The following IFFO1 variants were observed in gnomAD, a reference collection of about 807,000 sequenced individuals.
The protein encoded by IFFO1 is intermediate filament family orphan 1.
Under a neutral mutation model 59.6 loss-of-function variants are expected in IFFO1, and 42 were observed. The observed-to-expected ratio is 0.70, with a 90% CI of 0.55 to 0.91. The LOEUF (loss-of-function observed/expected upper bound fraction) is 0.91. Among genes scored for constraint, IFFO1 ranks in the 40% least tolerant of loss-of-function variants. The pLI, the probability that IFFO1 is intolerant of heterozygous loss-of-function variation, is 0.00. For missense variants in IFFO1, 711 were observed against 793.2 expected, an observed-to-expected ratio of 0.90 and a Z score of 1.24; for synonymous variants, 336 against 342.8, an observed-to-expected ratio of 0.98 and a Z score of 0.22.
In IFFO1 at chr12:6,548,658, G is replaced by A; in HGVS notation, c.1262+10C>T. The A allele has an allele frequency of 6.2e-7, 1 of 1,614,050 alleles. No homozygotes were observed. The highest frequency in any genetic ancestry group is 1.3e-5 in the African/African-American group (1 of 75,040). On this transcript the variant is annotated intron_variant, in intron 6 of 9. Coordinates refer to ENST00000619571, the MANE Select transcript of IFFO1 (RefSeq NM_001193457.2). The surrounding 1 kb of genome is among the most constrained non-coding windows in gnomAD (Gnocchi z 6.1). ...CGTCGGTGCTGCGGGAGCACGGCCT[G>A]CGGACTCACAGCTGGTTGAGCATGC...
intron 8 of IFFO1, among the ~76,000 whole-genome samples, chr12:6,542,383 G>A (rs1946758622): frequency 6.6e-6 from 1 of 152,166 alleles, no homozygotes; most frequent in East Asian, 1.9e-4. Flanking sequence ...AGGCGGAGAG[G>A]CAGGGCCCAG....
intron 8 of IFFO1, among the ~76,000 whole-genome samples, chr12:6,542,498 G>A (rs1388920931): frequency 5.9e-5 from 9 of 152,316 alleles, no homozygotes; most frequent in South Asian, 2.1e-4. Context: ...TGGAGATGAC[G>A]TTCGTGACTG....
At chr12:6,542,488 T>C (rs1946762960) in intron 8 of IFFO1, among the ~76,000 whole-genome samples, 1 of 152,152 alleles carries the variant, frequency 6.6e-6, no homozygotes, top group Admixed American at 6.5e-5. Flanking sequence ...TGAAACTTCC[T>C]GGAGATGACG....
intron 1 of IFFO1, among the ~76,000 whole-genome samples, chr12:6,553,181 G>A (rs538689866): frequency 1.3e-5 from 2 of 152,340 alleles, no homozygotes; most frequent in Admixed American, 6.5e-5. Flanking sequence ...TAGGGAGGAA[G>A]AAGAGTCACT....
In IFFO1 at chr12:6,555,229, A is replaced by G. The variant is rs747748605; in HGVS notation, c.773+28T>C. ...CCGTTGTGAGTGGTATGACACAGAG[A>G]GACCTGTCCCCCTTTCCCAATCCCT... On this transcript the variant is annotated intron_variant, in intron 1 of 9. Coordinates refer to ENST00000619571, the MANE Select transcript of IFFO1 (RefSeq NM_001193457.2). The surrounding 1 kb of genome is among the most constrained non-coding windows in gnomAD (Gnocchi z 8.6). 2 of 1,609,642 alleles carry G rather than the reference A, an allele frequency of 1.2e-6. No homozygotes were observed. The highest frequency in any genetic ancestry group is 1.7e-6 in the Non-Finnish European group (2 of 1,176,340).
chr12:6,547,034 C>G (rs980681582), intron 8 of IFFO1, among the ~76,000 whole-genome samples: 23 of 152,210 alleles, frequency 1.5e-4, no homozygotes, highest in Non-Finnish European at 3.1e-4. Context: ...GAGCCAGACA[C>G]TGCCCTAAGC....
chr12:6,550,686 T>A lies in IFFO1; in HGVS notation c.930+9A>T, dbSNP rs1287916279. 6.2e-7 allele frequency: 1 copy of A among 1,611,310 alleles called. No individual in the cohort carries two copies. The highest frequency in any genetic ancestry group is 8.5e-7 in the Non-Finnish European group (1 of 1,177,478). On this transcript the variant is annotated intron_variant, in intron 3 of 9. Transcript: ENST00000619571. ...CTTCGACCCTCGGGAAGCCTGGGGC[T>A]GCACTCACGTTACTCATGAGCCCCT...
Position 6,550,724 on chromosome 12 carries a change from G to T in IFFO1, c.901C>A (p.Leu301Met). The T allele has an allele frequency of 6.2e-7, 1 of 1,614,100 alleles. No homozygotes were observed. The highest frequency in any genetic ancestry group is 8.5e-7 in the Non-Finnish European group (1 of 1,179,934). Residue 301 changes from leucine to methionine, a missense_variant, in exon 3 of 10, where the codon CTG becomes ATG. Physicochemically the swap from Leu to Met is conservative, Grantham distance 15. Coordinates refer to ENST00000619571, the MANE Select transcript of IFFO1 (RefSeq NM_001193457.2). ...ALKVEQLKAE[L>M]VVFKGLMSNN... is the part of the protein sequence containing the mutation. The stretch of plus-strand genomic sequence containing the variant: ...CTCATGAGCCCCTTGAAGACCACCA[G>T]CTCAGCCTTCAACTGTTCCACCTTC...
intron 1 of IFFO1, among the ~76,000 whole-genome samples, chr12:6,554,477 C>G (rs1169089979): frequency 6.6e-6 from 1 of 152,232 alleles, no homozygotes; most frequent in African/African-American, 2.4e-5. Context: ...TGGGGCCGGG[C>G]TCCTCTCAGA....
At position 6,551,461 on chromosome 12, in the gene IFFO1, G is replaced by A. The variant is rs538113136; in HGVS notation, c.774-460C>T. The A allele has an allele frequency of 2.9e-5, 38 of 1,293,872 alleles. No homozygotes were observed. The African/African-American group carries it at 4.7e-4, about 16-fold the overall frequency. 80.1% of individuals were successfully genotyped at this position (1,293,872 alleles called of 1,614,324 possible). The stretch of plus-strand genomic sequence containing the variant: ...CACCAGAACAGAGCTCGTCGAGCCC[G>A]CTGCCCTGCCTCTTGTGGTATCATT... On this transcript the variant is annotated intron_variant, in intron 1 of 9. Coordinates refer to ENST00000619571, the MANE Select transcript of IFFO1 (RefSeq NM_001193457.2).
intron 1 of IFFO1, among the ~76,000 whole-genome samples, chr12:6,551,246 A>G (rs1947219760): frequency 6.6e-6 from 1 of 152,164 alleles, no homozygotes; most frequent in Non-Finnish European, 1.5e-5. Flanking sequence ...CGGGCTGTGC[A>G]CCAGGAGCTC....
At chr12:6,542,634 A>G (rs1260103308) in intron 8 of IFFO1, among the ~76,000 whole-genome samples, 1 of 152,240 alleles carries the variant, frequency 6.6e-6, no homozygotes, top group Non-Finnish European at 1.5e-5. Context: ...GGACAGTGAC[A>G]TTTGGGGTGA....
chr12:6,551,383 G>A (rs1342435538), intron 1 of IFFO1: 15 of 1,299,672 alleles, frequency 1.2e-5, no homozygotes, highest in African/African-American at 3.0e-5. Flanking sequence ...AGGTCCACCC[G>A]GCCCAGTCTC....
Position 6,539,806 on chromosome 12 carries a change from G to A in IFFO1, c.*677C>T, listed in dbSNP as rs1340389146. On this transcript the variant is annotated 3_prime_UTR_variant, in exon 10 of 10. Transcript: ENST00000619571. The stretch of plus-strand genomic sequence containing the variant: ...CTCTGTCATTCTGCAGTGACCAGGA[G>A]AGCAAGAGCTCCCACCTCCCTTCAA... The A allele has an allele frequency of 6.5e-6, 1 of 154,402 alleles. No individual in the cohort carries two copies. The highest frequency in any genetic ancestry group is 1.4e-5 in the Non-Finnish European group (1 of 69,402). 9.6% of individuals were successfully genotyped at this position (154,402 alleles called of 1,614,324 possible).
Position 6,540,391 on chromosome 12 carries a change from C to T in IFFO1, c.*92G>A. 1 of 1,046,032 alleles carries T rather than the reference C, an allele frequency of 9.6e-7. No homozygotes were observed. The highest frequency in any genetic ancestry group is 1.3e-5 in the South Asian group (1 of 78,834). The allele number at this position is 1,046,032 out of a possible 1,614,324, so 64.8% of individuals were successfully genotyped here. On this transcript the variant is annotated 3_prime_UTR_variant, in exon 10 of 10. Transcript: ENST00000619571. ...CCCCAGGGACCGGCCTGGTGCAGAGCTGCAGCTGATGTTCCCCTCTGTGCA... is the reference window on the plus strand; with the variant it reads ...CCCCAGGGACCGGCCTGGTGCAGAGTTGCAGCTGATGTTCCCCTCTGTGCA...
chr12:6,549,392 G>T lies in IFFO1; in HGVS notation c.1080+84C>A. The stretch of plus-strand genomic sequence containing the variant: ...AAAAATCCGTGCTCAAGAGCCCAGC[G>T]GGCCCAAACTGAGGGCCAGGAGGCC... On this transcript the variant is annotated intron_variant, in intron 5 of 9. Transcript: ENST00000619571. The surrounding 1 kb of genome is among the most constrained non-coding windows in gnomAD (Gnocchi z 5.0). 2.1e-6 allele frequency: 3 copies of T among 1,448,566 alleles called. No individual in the cohort carries two copies. The highest frequency in any genetic ancestry group is 2.9e-6 in the Non-Finnish European group (3 of 1,036,750). 89.7% of individuals were successfully genotyped at this position (1,448,566 alleles called of 1,614,324 possible).
rs79705410 is a variant in IFFO1, at chr12:6,548,947, G to C, written c.1081-98C>G. 438 of 994,642 alleles carry C rather than the reference G, an allele frequency of 4.4e-4. 1 individual carries two copies. The highest frequency in any genetic ancestry group is 2.2e-3 in the South Asian group (138 of 62,826). 61.6% of individuals were successfully genotyped at this position (994,642 alleles called of 1,614,324 possible). A position where few individuals can be genotyped will look rare whatever the true frequency, so the allele number is the denominator to read the frequency against. ...GGGAGAAGCATGAACCAGTAGGAAG[G>C]GGGGGCAGACAGAGAGAAAAGTCAC... is the stretch of plus-strand genomic sequence containing the variant. On this transcript the variant is annotated intron_variant, in intron 5 of 9. Coordinates refer to ENST00000619571, the MANE Select transcript of IFFO1 (RefSeq NM_001193457.2). The surrounding 1 kb of genome is among the most constrained non-coding windows in gnomAD (Gnocchi z 6.1).
chr12:6,546,954 A>G (rs1440966016), intron 8 of IFFO1, among the ~76,000 whole-genome samples: 2 of 152,184 alleles, frequency 1.3e-5, no homozygotes, highest in Non-Finnish European at 2.9e-5. Context: ...GTCCCAGTCC[A>G]TCTCTGAGTG....
At chr12:6,554,865 T>A (rs1424542148) in intron 1 of IFFO1, among the ~76,000 whole-genome samples, 2 of 152,218 alleles carry the variant, frequency 1.3e-5, no homozygotes, top group East Asian at 1.9e-4. Context: ...TTCACTCAAT[T>A]TAGTCTCCCA....
Sources: gnomAD v4.1 joint callset for allele counts (sites outside exome capture counted in the v4.1 genomes callset) on GRCh38, gnomAD v4.1.1 for gene constraint, Gnocchi (gnomAD v3.1) non-coding constraint, MANE v1.5 for transcripts, NCBI Gene and HGNC (gene_info 2026-07-23, HGNC 2026-07-21) for gene names.